Variants in RIN2 observed in about 807,000 individuals in gnomAD.
The protein encoded by RIN2 is Ras and Rab interactor 2.
A neutral mutation model predicts 78.0 loss-of-function variants in RIN2; 36 were observed. The observed-to-expected ratio is 0.46, with a 90% confidence interval of 0.35 to 0.61. The LOEUF is 0.61. Among genes scored for constraint, RIN2 ranks in the 20% least tolerant of loss-of-function variants. RIN2 has a pLI of 0.00. For missense variants in RIN2, 1,087 were observed against 1,159.7 expected (o/e 0.94, Z 0.91); for synonymous variants, 466 against 466.8 (o/e 1.00, Z 0.02).
chr20:19,935,751 C>A, intron 4 of RIN2: 1 of 357,534 alleles, frequency 2.8e-6, no homozygotes, highest in Non-Finnish European at 3.9e-6. Flanking sequence ...GCACATACTG[C>A]ACACCGTCTG....
intron 11 of RIN2, among the ~76,000 whole-genome samples, chr20:19,995,638 G>A (rs1323720768): frequency 1.3e-5 from 2 of 152,056 alleles, no homozygotes; most frequent in Non-Finnish European, 2.9e-5. Flanking sequence ...TCACTTTCCT[G>A]TAAATTATTT....
chr20:19,912,565 G>A (rs1360230509), intron 3 of RIN2, among the ~76,000 whole-genome samples: 4 of 132,334 alleles, frequency 3.0e-5, no homozygotes, highest in African/African-American at 8.5e-5. Flanking sequence ...TGCAACTTCC[G>A]CCTCCGGAGT....
At chr20:19,865,957 G>A (rs2037492827) in intron 2 of RIN2, among the ~76,000 whole-genome samples, 1 of 152,080 alleles carries the variant, frequency 6.6e-6, no homozygotes, top group Non-Finnish European at 1.5e-5. Context: ...GGGGTTGTGT[G>A]AGGGATGGTT....
intron 4 of RIN2, chr20:19,935,627 A>G: frequency 1.0e-6 from 1 of 990,418 alleles, no homozygotes; most frequent in Non-Finnish European, 1.2e-6. Flanking sequence ...AAACCCCAGC[A>G]GTCTCCAAAA....
At chr20:19,935,481 C>T in intron 4 of RIN2, 1 of 1,184,276 alleles carries the variant, frequency 8.4e-7, no homozygotes, top group Non-Finnish European at 1.0e-6. Context: ...CCACCTACTC[C>T]CAATGATGGA....
In RIN2 at chr20:19,799,608, T is replaced by G. The variant is rs1361469044; in HGVS notation, c.-162-14T>G. On this transcript the variant is annotated splice_polypyrimidine_tract_variant and intron_variant, in intron 1 of 12. Transcript: ENST00000255006. The stretch of plus-strand genomic sequence containing the variant: ...TACATACAAAACCCTGAATGGTCAA[T>G]TTTTGTGTTGTAGATGGAGACGAGA... 6.6e-6 allele frequency: 1 copy of G among 152,204 alleles called. No individual in the cohort carries two copies. Among genetic ancestry groups the G allele is most frequent in the Non-Finnish European group, 1.5e-5 (1 of 68,052 alleles). The allele number at this position is 152,204 out of a possible 1,614,324, so 9.4% of individuals were successfully genotyped here.
chr20:19,805,004 T>C (rs1376811376), intron 2 of RIN2, among the ~76,000 whole-genome samples: 1 of 152,224 alleles, frequency 6.6e-6, no homozygotes, highest in Non-Finnish European at 1.5e-5. Context: ...CCATTTCTGC[T>C]AGATTTTCTA....
At chr20:19,894,001 G>T (rs1272137869) in intron 3 of RIN2, among the ~76,000 whole-genome samples, 1 of 152,154 alleles carries the variant, frequency 6.6e-6, no homozygotes, top group Admixed American at 6.5e-5. Flanking sequence ...GAACCCAGGA[G>T]ATGGAGGTTG....
chr20:19,943,388 T>C (rs2040958544), intron 4 of RIN2, among the ~76,000 whole-genome samples: 1 of 152,132 alleles, frequency 6.6e-6, no homozygotes. Flanking sequence ...TGGGCCTCAG[T>C]TGATAGAACT....
At chr20:19,880,744 G>A (rs372746167) in intron 2 of RIN2, among the ~76,000 whole-genome samples, 3 of 151,990 alleles carry the variant, frequency 2.0e-5, no homozygotes, top group African/African-American at 7.3e-5. Context: ...TTACTCATTC[G>A]GCAAACATTT....
At chr20:19,877,595 T>C (rs923694307) in intron 2 of RIN2, among the ~76,000 whole-genome samples, 1 of 152,046 alleles carries the variant, frequency 6.6e-6, no homozygotes, top group African/African-American at 2.4e-5. Context: ...AGAAATTAGG[T>C]TGCAATAGGG....
chr20:19,872,862 G>A (rs1430206134), intron 2 of RIN2, among the ~76,000 whole-genome samples: 3 of 152,100 alleles, frequency 2.0e-5, no homozygotes, highest in Non-Finnish European at 2.9e-5. Context: ...TCACTATTCA[G>A]GTGATGGATA....
chr20:19,859,654 G>A (rs1206911497), intron 2 of RIN2, among the ~76,000 whole-genome samples: 5 of 152,254 alleles, frequency 3.3e-5, no homozygotes, highest in Non-Finnish European at 7.4e-5. Context: ...CAACTCCCAC[G>A]TGACTATCTC....
chr20:19,818,007 T>C (rs1238190574), intron 2 of RIN2, among the ~76,000 whole-genome samples: 1 of 152,218 alleles, frequency 6.6e-6, no homozygotes, highest in Non-Finnish European at 1.5e-5. Flanking sequence ...GTGCAAATGT[T>C]GTAGAGTGCA....
At chr20:19,781,511 C>A (rs1279922975) in intron 1 of RIN2, among the ~76,000 whole-genome samples, 1 of 152,094 alleles carries the variant, frequency 6.6e-6, no homozygotes, top group African/African-American at 2.4e-5. Context: ...CACTGCAACC[C>A]CCGTCTTCTG....
chr20:19,912,667 C>T (rs1369883400), intron 3 of RIN2, among the ~76,000 whole-genome samples: 2 of 151,628 alleles, frequency 1.3e-5, no homozygotes, highest in Non-Finnish European at 2.9e-5. Flanking sequence ...TTAGTAGAGA[C>T]GGGGTTTCAC....
At chr20:19,793,526 A>G (rs2034954509) in intron 1 of RIN2, among the ~76,000 whole-genome samples, 1 of 152,198 alleles carries the variant, frequency 6.6e-6, no homozygotes, top group African/African-American at 2.4e-5. Context: ...AGGAAAGGAA[A>G]AAGGGAGGGA....
intron 2 of RIN2, among the ~76,000 whole-genome samples, chr20:19,816,775 G>A (rs1178378469): frequency 2.0e-5 from 3 of 152,164 alleles, no homozygotes; most frequent in Non-Finnish European, 2.9e-5. Context: ...GCCATATTCT[G>A]TTGAGACAAG....
chr20:19,955,942 G>A (rs1295343513), intron 4 of RIN2, among the ~76,000 whole-genome samples: 1 of 152,094 alleles, frequency 6.6e-6, no homozygotes, highest in South Asian at 2.1e-4. Flanking sequence ...CGCATTTAGG[G>A]TTCTGTCCTC....
Sources: allele counts gnomAD v4.1 joint callset (sites outside exome capture counted in the v4.1 genomes callset), GRCh38; gene constraint gnomAD v4.1.1; transcripts MANE v1.5; gene names NCBI Gene and HGNC (gene_info 2026-07-23, HGNC 2026-07-21).